The following PCCA variants were observed in gnomAD, a reference collection of about 807,000 sequenced individuals.
The protein encoded by PCCA is propionyl-CoA carboxylase subunit alpha, also known as propionyl-CoA carboxylase alpha chain, mitochondrial.
PCCA carries 74 observed loss-of-function variants against 101.3 expected under a neutral mutation model. The ratio of observed to expected loss-of-function variants is 0.73; its 90% CI spans 0.61 to 0.89. The LOEUF is 0.89. Ranked by LOEUF, PCCA falls within the 40% of genes least tolerant of loss-of-function variation. The probability of loss-of-function intolerance (pLI) is 0.00; values close to 1 mark genes in which losing one functional copy is unlikely to be tolerated. For missense variants in PCCA, 891 were observed against 907.0 expected (o/e 0.98, Z 0.23); for synonymous variants, 294 against 313.6 (o/e 0.94, Z 0.66).
At chr13:100,097,172 G>A (rs374662957) in intron 1 of PCCA, among the ~76,000 whole-genome samples, 71 of 152,292 alleles carry the variant, frequency 4.7e-4, no homozygotes, top group African/African-American at 1.7e-3. Flanking sequence ...GTGTGATTTT[G>A]TGTTTATATG....
chr13:100,458,312 C>T (rs1257425538), intron 21 of PCCA, among the ~76,000 whole-genome samples: 6 of 114,460 alleles, frequency 5.2e-5, no homozygotes, highest in African/African-American at 1.6e-4. Context: ...CACACACACA[C>T]ACACACACAC....
chr13:100,239,354 G>A (rs535605985), intron 8 of PCCA, among the ~76,000 whole-genome samples: 12 of 152,146 alleles, frequency 7.9e-5, no homozygotes, highest in Non-Finnish European at 1.2e-4. Context: ...AAACCAATGG[G>A]ATTAGAGGAT....
Position 100,493,155 on chromosome 13 carries a change from C to T in PCCA, c.1900-22272C>T, listed in dbSNP as rs1001099364. On this transcript the variant is annotated intron_variant, in intron 21 of 23. Coordinates refer to ENST00000376285, the MANE Select transcript of PCCA (RefSeq NM_000282.4). ...TGGGGCCAGAGCCCAAAAGTGCTCACCCCAGCTCCTACACCTGCCCCTGCC... is the reference window on the plus strand; with the variant it reads ...TGGGGCCAGAGCCCAAAAGTGCTCATCCCAGCTCCTACACCTGCCCCTGCC... Among the ~76,000 whole-genome samples, 3 of 152,330 alleles carry T rather than the reference C, an allele frequency of 2.0e-5. No homozygotes were observed. In the East Asian group the frequency reaches 5.8e-4, roughly 29 times the overall value.
intron 6 of PCCA, among the ~76,000 whole-genome samples, chr13:100,165,798 G>A (rs2054974485): frequency 6.6e-6 from 1 of 152,096 alleles, no homozygotes; most frequent in Admixed American, 6.5e-5. Flanking sequence ...TTGGGAGGCC[G>A]AGATAGGAGG....
At chr13:100,282,597 G>T (rs1433685184) in intron 12 of PCCA, among the ~76,000 whole-genome samples, 3 of 152,212 alleles carry the variant, frequency 2.0e-5, no homozygotes, top group Non-Finnish European at 4.4e-5. Context: ...GTTGTACTGG[G>T]TCCCCCAGCA....
At chr13:100,408,121 C>T (rs560001986) in intron 19 of PCCA, among the ~76,000 whole-genome samples, 1 of 152,354 alleles carries the variant, frequency 6.6e-6, no homozygotes, top group South Asian at 2.1e-4. Flanking sequence ...GACTGCACTC[C>T]AGCCTGGGTG....
intron 5 of PCCA, among the ~76,000 whole-genome samples, chr13:100,156,228 C>G (rs961493045): frequency 5.9e-5 from 9 of 152,088 alleles, no homozygotes; most frequent in Non-Finnish European, 8.8e-5. Flanking sequence ...GCCACCATGC[C>G]CAGCTAATTT....
intron 12 of PCCA, among the ~76,000 whole-genome samples, chr13:100,280,693 T>C (rs2064034104): frequency 6.6e-6 from 1 of 152,198 alleles, no homozygotes. Context: ...AGTTTTCCTT[T>C]CCAAAGTTTC....
chr13:100,185,783 G>A (rs939980978), intron 6 of PCCA, among the ~76,000 whole-genome samples: 1 of 152,202 alleles, frequency 6.6e-6, no homozygotes, highest in Non-Finnish European at 1.5e-5. Context: ...AAGTAGCTGG[G>A]ATTACAGGCA....
At chr13:100,250,366 A>G (rs1368093328) in intron 8 of PCCA, among the ~76,000 whole-genome samples, 1 of 152,024 alleles carries the variant, frequency 6.6e-6, no homozygotes, top group African/African-American at 2.4e-5. Flanking sequence ...ACATTAATTG[A>G]TTTTTGGATG....
chr13:100,157,350 T>C lies in PCCA; in HGVS notation c.468+10T>C. ...ATTTGCCAGATGTTTGGTAAGTTGGTAATGAACCAGAAACTGTTCATTTCT... is the reference window on the plus strand; with the variant it reads ...ATTTGCCAGATGTTTGGTAAGTTGGCAATGAACCAGAAACTGTTCATTTCT... On this transcript the variant is annotated intron_variant, in intron 6 of 23. Coordinates refer to ENST00000376285, the MANE Select transcript of PCCA (RefSeq NM_000282.4). 1 of 1,586,856 alleles carries C rather than the reference T, an allele frequency of 6.3e-7. No homozygotes were observed.
At chr13:100,158,796 G>T (rs968856070) in intron 6 of PCCA, among the ~76,000 whole-genome samples, 5 of 152,140 alleles carry the variant, frequency 3.3e-5, no homozygotes, top group East Asian at 3.9e-4. Flanking sequence ...TTTCATTTAT[G>T]CATTGTCTAT....
In PCCA at chr13:100,330,686, A is replaced by C. The variant is rs372830595; in HGVS notation, c.1540+15A>C. ...TGGCTTCAAAGGTTTGTATGCATTA[A>C]AATATTTTAGTGTTTTAAAGTTGTT... On this transcript the variant is annotated intron_variant, in intron 17 of 23. Coordinates refer to ENST00000376285, the MANE Select transcript of PCCA (RefSeq NM_000282.4). 15 of 1,402,270 alleles carry C rather than the reference A, an allele frequency of 1.1e-5. No individual in the cohort carries two copies. The highest frequency in any genetic ancestry group is 1.4e-5 in the Non-Finnish European group (14 of 987,176). The allele number at this position is 1,402,270 out of a possible 1,614,324, so 86.9% of individuals were successfully genotyped here.
At chr13:100,092,101 T>A (rs1035485408) in intron 1 of PCCA, among the ~76,000 whole-genome samples, 1 of 151,942 alleles carries the variant, frequency 6.6e-6, no homozygotes, top group Non-Finnish European at 1.5e-5. Context: ...TTTTTTGTAT[T>A]TTAGTAGAGA....
At chr13:100,306,991 A>G (rs1287767903) in intron 14 of PCCA, among the ~76,000 whole-genome samples, 1 of 152,162 alleles carries the variant, frequency 6.6e-6, no homozygotes, top group Non-Finnish European at 1.5e-5. Context: ...TAGTTTCGTC[A>G]TTCAGTGGCA....
At chr13:100,213,833 A>T (rs1430973917) in intron 7 of PCCA, among the ~76,000 whole-genome samples, 1 of 152,108 alleles carries the variant, frequency 6.6e-6, no homozygotes, top group Non-Finnish European at 1.5e-5. Flanking sequence ...AGTTTTTGCA[A>T]TGTTTTCTTT....
chr13:100,333,666 A>G (rs541249690), intron 17 of PCCA, among the ~76,000 whole-genome samples: 4 of 152,346 alleles, frequency 2.6e-5, no homozygotes, highest in South Asian at 2.1e-4. Flanking sequence ...CATTTGGCCT[A>G]TAATGAACAT....
intron 4 of PCCA, among the ~76,000 whole-genome samples, chr13:100,145,170 C>G (rs1165574984): frequency 6.6e-6 from 1 of 152,154 alleles, no homozygotes; most frequent in Non-Finnish European, 1.5e-5. Context: ...TATAATGATA[C>G]CATTAATGGT....
At chr13:100,108,054 A>G (rs1435089593) in intron 2 of PCCA, among the ~76,000 whole-genome samples, 1 of 152,160 alleles carries the variant, frequency 6.6e-6, no homozygotes, top group Non-Finnish European at 1.5e-5. Context: ...CGTCATTCCA[A>G]CAAGTACCCA....
Sources: allele counts gnomAD v4.1 joint callset (sites outside exome capture counted in the v4.1 genomes callset), GRCh38; gene constraint gnomAD v4.1.1; transcripts MANE v1.5; gene names NCBI Gene and HGNC (gene_info 2026-07-23, HGNC 2026-07-21).